LRRC4C: variants seen among roughly 807,000 people sequenced by gnomAD.
LRRC4C encodes leucine-rich repeat-containing protein 4C.
In LRRC4C, 5 loss-of-function variants were observed where a neutral mutation model predicts 33.6. The observed-to-expected ratio is 0.15, with a 90% CI of 0.08 to 0.31. The LOEUF is 0.31. LRRC4C is among the 10% of genes least tolerant of loss of function. LRRC4C has a pLI of 1.00. For synonymous variants in LRRC4C, 329 were observed against 302.0 expected (o/e 1.09, Z -0.93); for missense variants, 560 against 796.7 (o/e 0.70, Z 3.58).
At position 40,114,896 on chromosome 11, in the gene LRRC4C, T is replaced by C. The variant is rs749051691; in HGVS notation, c.1397A>G (p.Gln466Arg). 7 of 1,614,100 alleles carry C rather than the reference T, an allele frequency of 4.3e-6. No homozygotes were observed. In the African/African-American group the frequency reaches 9.3e-5, roughly 22 times the overall value. Reference protein sequence around the residue: ...TVTVETMEPSQDEARTTDNNV... With the variant: ...TVTVETMEPSRDEARTTDNNV... ...GTTATCTGTGGTCCGTGCCTCATCC[T>C]GAGACGGTTCCATAGTCTCTACTGT... Residue 466 changes from glutamine to arginine, a missense_variant, in exon 7 of 7, where the codon CAG becomes CGG. By Grantham distance (43) the Gln-to-Arg change is conservative (BLOSUM62 1). Coordinates refer to ENST00000528697, the MANE Select transcript of LRRC4C (RefSeq NM_001258419.2).
intron 1 of LRRC4C, among the ~76,000 whole-genome samples, chr11:41,176,977 CAAAACAAAACAAAACA>C (rs1945230025): frequency 3.7e-4 from 1 of 2,682 alleles, no homozygotes; most frequent in Non-Finnish European, 4.4e-3. Context: ...TAAAACAAAA[CAAAACAAAACAAAACA>C]AAACAAAACA....
intron 2 of LRRC4C, among the ~76,000 whole-genome samples, chr11:40,860,269 G>T (rs1565143601): frequency 2.0e-5 from 3 of 152,030 alleles, no homozygotes; most frequent in Admixed American, 2.0e-4. Flanking sequence ...GTGGGTAGGG[G>T]TAGAGGGAAT....
At chr11:40,666,325 T>A (rs1298196216) in intron 2 of LRRC4C, among the ~76,000 whole-genome samples, 3 of 152,138 alleles carry the variant, frequency 2.0e-5, no homozygotes, top group Admixed American at 2.0e-4. Flanking sequence ...GTATAAAATA[T>A]GCATGGTGAG....
At chr11:40,170,912 G>A (rs1366705958) in intron 5 of LRRC4C, among the ~76,000 whole-genome samples, 1 of 152,288 alleles carries the variant, frequency 6.6e-6, no homozygotes, top group East Asian at 1.9e-4. Flanking sequence ...ACTTCTCAGA[G>A]CCTTTTACAC....
At chr11:40,556,776 C>G (rs1376967011) in intron 3 of LRRC4C, among the ~76,000 whole-genome samples, 1 of 152,188 alleles carries the variant, frequency 6.6e-6, no homozygotes, top group Admixed American at 6.6e-5. Context: ...TCAAAGGCTA[C>G]TTACAAACTG....
chr11:40,535,107 G>A (rs1956417939), intron 3 of LRRC4C, among the ~76,000 whole-genome samples: 2 of 152,102 alleles, frequency 1.3e-5, no homozygotes, highest in Admixed American at 1.3e-4. Flanking sequence ...AGGTAGCAGT[G>A]TATTATGGGA....
chr11:41,412,282 C>A (rs1954516879), intron 1 of LRRC4C, among the ~76,000 whole-genome samples: 1 of 152,142 alleles, frequency 6.6e-6, no homozygotes, highest in Non-Finnish European at 1.5e-5. Context: ...ATGTAACAAT[C>A]ACATTTATTT....
intron 1 of LRRC4C, among the ~76,000 whole-genome samples, chr11:41,121,884 G>C (rs1019368477): frequency 6.6e-6 from 1 of 151,844 alleles, no homozygotes; most frequent in Non-Finnish European, 1.5e-5. Context: ...AATTCCAGGA[G>C]AGTCTGCCTG....
At position 41,046,709 on chromosome 11, in the gene LRRC4C, T is replaced by C. The variant is rs191009890; in HGVS notation, c.-495-112986A>G. On this transcript the variant is annotated intron_variant, in intron 1 of 6. Transcript: ENST00000528697. ...GCGTTTGCACTTCAGTATAGTTTGT[T>C]ATTCTCTGATGGTCACTGTTGAGGG... Among the ~76,000 whole-genome samples the C allele has an allele frequency of 3.9e-5, 6 of 152,320 alleles. No homozygotes were observed. The East Asian group carries it at 9.6e-4, about 24-fold the overall frequency.
chr11:41,025,515 A>G (rs1856282537), intron 1 of LRRC4C, among the ~76,000 whole-genome samples: 1 of 92,552 alleles, frequency 1.1e-5, no homozygotes, highest in African/African-American at 3.8e-5. Flanking sequence ...TAAAGGCCTG[A>G]AGGTAAAAAA....
intron 3 of LRRC4C, among the ~76,000 whole-genome samples, chr11:40,509,702 T>G (rs1009822557): frequency 6.6e-6 from 1 of 152,126 alleles, no homozygotes; most frequent in African/African-American, 2.4e-5. Flanking sequence ...AGGGAGATAT[T>G]TTTGATTAAA....
intron 2 of LRRC4C, among the ~76,000 whole-genome samples, chr11:40,903,097 AGACT>A (rs1956275740): frequency 1.3e-5 from 2 of 152,172 alleles, no homozygotes; most frequent in African/African-American, 4.8e-5. Context: ...TTCAAAGGAC[AGACT>A]GACTCTCTTG....
chr11:41,181,251 T>C (rs372464287), intron 1 of LRRC4C, among the ~76,000 whole-genome samples: 1 of 152,094 alleles, frequency 6.6e-6, no homozygotes, highest in East Asian at 1.9e-4. Context: ...TACACACAAC[T>C]TTACCAAAAT....
chr11:41,128,516 AC>A (rs1187306558), intron 1 of LRRC4C, among the ~76,000 whole-genome samples: 1 of 152,086 alleles, frequency 6.6e-6, no homozygotes, highest in Non-Finnish European at 1.5e-5. Flanking sequence ...ATTCTAAAGT[AC>A]ACTTTTCTTG....
intron 1 of LRRC4C, among the ~76,000 whole-genome samples, chr11:41,048,259 A>G (rs774092606): frequency 2.0e-5 from 1 of 51,214 alleles, no homozygotes; most frequent in Non-Finnish European, 3.6e-5. Context: ...TAGATTCTTT[A>G]CTTTTTTTTT....
chr11:41,116,104 G>C (rs985511050), intron 1 of LRRC4C, among the ~76,000 whole-genome samples: 2 of 152,038 alleles, frequency 1.3e-5, no homozygotes, highest in Non-Finnish European at 2.9e-5. Context: ...TCTGCTTCTA[G>C]TCACTGTGTT....
chr11:40,946,233 C>T (rs1020909567), intron 1 of LRRC4C, among the ~76,000 whole-genome samples: 4 of 152,126 alleles, frequency 2.6e-5, no homozygotes, highest in African/African-American at 9.7e-5. Flanking sequence ...TAATGGCCTC[C>T]AGCTGCATTC....
At chr11:40,822,795 T>A (rs954493251) in intron 2 of LRRC4C, among the ~76,000 whole-genome samples, 1 of 151,842 alleles carries the variant, frequency 6.6e-6, no homozygotes, top group Non-Finnish European at 1.5e-5. Context: ...AGTTATTTCC[T>A]AGTTTTAGGC....
chr11:40,909,045 C>A (rs113464845), intron 2 of LRRC4C, among the ~76,000 whole-genome samples: 53 of 152,132 alleles, frequency 3.5e-4, no homozygotes, highest in African/African-American at 1.2e-3. Context: ...ACATAAGGAA[C>A]AACTAACACT....
Sources: allele counts gnomAD v4.1 joint callset (sites outside exome capture counted in the v4.1 genomes callset), GRCh38; gene constraint gnomAD v4.1.1; transcripts MANE v1.5; gene names NCBI Gene and HGNC (gene_info 2026-07-23, HGNC 2026-07-21).